The following DISP3 variants were observed in gnomAD, a reference collection of about 807,000 sequenced individuals.
The protein encoded by DISP3 is protein dispatched homolog 3.
A neutral mutation model predicts 135.3 loss-of-function variants in DISP3; 101 were observed. The ratio of observed to expected loss-of-function variants is 0.75; its 90% CI spans 0.64 to 0.88. The LOEUF (loss-of-function observed/expected upper bound fraction) is 0.88. DISP3 is among the 40% of genes least tolerant of loss of function. DISP3 has a pLI of 0.00. For missense variants in DISP3, 1,713 were observed against 1,878.6 expected (o/e 0.91, Z 1.63); for synonymous variants, 856 against 817.0 (o/e 1.05, Z -0.81).
In DISP3 at chr1:11,520,665, G is replaced by A; in HGVS notation, c.2201-22G>A. ...GACCAGCTGGGCCCAGCCCCGCCTG[G>A]TGTAGCGCCCTTTCCTCACAGGGCT... On this transcript the variant is annotated intron_variant, in intron 9 of 20. Coordinates refer to ENST00000294484, the MANE Select transcript of DISP3 (RefSeq NM_020780.2). The surrounding 1 kb of genome is among the most constrained non-coding windows in gnomAD (Gnocchi z 4.8). 6.2e-7 allele frequency: 1 copy of A among 1,610,172 alleles called. No homozygotes were observed. Among genetic ancestry groups the A allele is most frequent in the Non-Finnish European group, 8.5e-7 (1 of 1,177,846 alleles).
At position 11,512,894 on chromosome 1, in the gene DISP3, C is replaced by T. The variant is rs550676036; in HGVS notation, c.1317-1496C>T. ...GCAAAAGGCACTTCTTACATGGGGA[C>T]GGCAGGAGAAAATGAGGAAAAAGCA... is the stretch of plus-strand genomic sequence containing the variant. On this transcript the variant is annotated intron_variant, in intron 3 of 20. Transcript: ENST00000294484. Among the ~76,000 whole-genome samples, 6 of 152,040 alleles carry T rather than the reference C, an allele frequency of 3.9e-5. No individual in the cohort carries two copies. In the East Asian group the frequency reaches 5.8e-4, roughly 15 times the overall value.
At chr1:11,490,440 TG>T (rs1264762377) in intron 1 of DISP3, among the ~76,000 whole-genome samples, 1 of 152,156 alleles carries the variant, frequency 6.6e-6, no homozygotes, top group African/African-American at 2.4e-5. Context: ...GCTAATTTTT[TG>T]TATTTTTAGT....
intron 1 of DISP3, among the ~76,000 whole-genome samples, chr1:11,487,065 A>G (rs778875461): frequency 2.6e-5 from 4 of 152,256 alleles, no homozygotes; most frequent in Non-Finnish European, 5.9e-5. Context: ...ATGAATTGGT[A>G]AATGTATGAA....
intron 4 of DISP3, 38 bp from the exon 5 acceptor site, chr1:11,515,331 T>TC (rs752966823): frequency 2.9e-5 from 46 of 1,612,076 alleles, no homozygotes; most frequent in Non-Finnish European, 3.7e-5. Context: ...CCCATGAGGG[T>TC]CCCCCCACCG....
intron 17 of DISP3, among the ~76,000 whole-genome samples, chr1:11,532,522 G>A (rs1642601886): frequency 6.6e-6 from 1 of 152,136 alleles, no homozygotes; most frequent in Non-Finnish European, 1.5e-5. Flanking sequence ...ATTTATTTGT[G>A]TTACTCATTG....
chr1:11,516,207 T>C lies in DISP3; in HGVS notation c.1749+46T>C. Reference sequence around the variant, plus strand: ...CCTGTCCTGGCCTCCCACACGCTCATGCATACCTAGCCGCTGGTCTCTGCC... The same window carrying C: ...CCTGTCCTGGCCTCCCACACGCTCACGCATACCTAGCCGCTGGTCTCTGCC... On this transcript the variant is annotated intron_variant, in intron 6 of 20. Coordinates refer to ENST00000294484, the MANE Select transcript of DISP3 (RefSeq NM_020780.2). This position sits in a 1 kb window ranked among gnomAD's most constrained non-coding sequence, Gnocchi z 5.1. 1 of 1,592,266 alleles carries C rather than the reference T, an allele frequency of 6.3e-7. No homozygotes were observed. Among genetic ancestry groups the C allele is most frequent in the Non-Finnish European group, 8.6e-7 (1 of 1,166,182 alleles).
At chr1:11,526,957 T>A in intron 13 of DISP3, 122 bp downstream of exon 13, 1 of 1,225,970 alleles carries the variant, frequency 8.2e-7, no homozygotes, top group South Asian at 1.6e-5. Context: ...TTTTTTTTTT[T>A]TCTTACTCTG....
rs1328360658 is a variant in DISP3 at position 11,501,895 on chromosome 1, C to G, written c.903C>G (p.Ile301Met). Residue 301 changes from isoleucine to methionine, a missense_variant, in exon 2 of 21, where the codon ATC becomes ATG. Around this residue, in one of 2 missense-constraint regions of DISP3, gnomAD observed 571 missense variants for 494.1 expected, o/e 1.16. Transcript: ENST00000294484. This position sits in a 1 kb window ranked among gnomAD's most constrained non-coding sequence, Gnocchi z 4.9. Reference sequence around the variant, plus strand: ...AGCGCCTGGTCACGATCCATGAGATCGAGCGCAAGATCATGGACCACCCAG... The same window carrying G: ...AGCGCCTGGTCACGATCCATGAGATGGAGCGCAAGATCATGGACCACCCAG... ...TSERLVTIHEIERKIMDHPGF... is the reference protein window; with the variant it reads ...TSERLVTIHEMERKIMDHPGF... 1 of 1,613,382 alleles carries G rather than the reference C, an allele frequency of 6.2e-7. No individual in the cohort carries two copies. Among genetic ancestry groups the G allele is most frequent in the Non-Finnish European group, 8.5e-7 (1 of 1,179,766 alleles).
intron 2 of DISP3, among the ~76,000 whole-genome samples, chr1:11,502,387 G>A (rs1280745654): frequency 1.3e-5 from 2 of 152,224 alleles, no homozygotes; most frequent in African/African-American, 2.4e-5. Flanking sequence ...GTTAAGAAAA[G>A]GGCCAGGATG....
Position 11,501,854 on chromosome 1 carries a change from A to C in DISP3, c.862A>C (p.Asn288His), listed in dbSNP as rs1433535406. Reference protein sequence around the residue: ...IFLARGDAERNIFTSERLVTI... With the variant: ...IFLARGDAERHIFTSERLVTI... ...CCTGGCGCGCGGCGACGCGGAGCGCAACATTTTCACCAGTGAGCGCCTGGT... is the reference window on the plus strand; with the variant it reads ...CCTGGCGCGCGGCGACGCGGAGCGCCACATTTTCACCAGTGAGCGCCTGGT... Residue 288 changes from asparagine to histidine, a missense_variant, in exon 2 of 21, where the codon AAC becomes CAC. Asn to His is a moderately conservative substitution (Grantham distance 68). This residue lies in a region of DISP3 where 571 missense variants were observed against 494.1 expected (regional missense o/e 1.16). Coordinates refer to ENST00000294484, the MANE Select transcript of DISP3 (RefSeq NM_020780.2). This position sits in a 1 kb window ranked among gnomAD's most constrained non-coding sequence, Gnocchi z 4.9. 6.2e-7 allele frequency: 1 copy of C among 1,612,784 alleles called. No homozygotes were observed. The highest frequency in any genetic ancestry group is 1.7e-5 in the Admixed American group (1 of 59,992).
At position 11,525,455 on chromosome 1, in the gene DISP3, G is replaced by A. The variant is rs572866096; in HGVS notation, c.2613+143G>A. The stretch of plus-strand genomic sequence containing the variant: ...GACCCCCCTCCCCTAAACCAGCCAT[G>A]TCTGTGACAGGGACCTGCCGAGTGG... On this transcript the variant is annotated intron_variant, in intron 12 of 20. Transcript: ENST00000294484. The A allele has an allele frequency of 2.5e-5, 27 of 1,095,228 alleles. No homozygotes were observed. In the Middle Eastern group the frequency reaches 1.2e-3, roughly 50 times the overall value. The allele number at this position is 1,095,228 out of a possible 1,614,324, so 67.8% of individuals were successfully genotyped here. A position where few individuals can be genotyped will look rare whatever the true frequency, so the allele number is the denominator to read the frequency against.
Position 11,501,475 on chromosome 1 carries a change from C to G in DISP3, c.483C>G (p.Leu161=). The change falls in exon 2 of 21, where the codon CTC becomes CTG. Residue 161 remains leucine, a synonymous_variant. Transcript: ENST00000294484. The surrounding 1 kb of genome is among the most constrained non-coding windows in gnomAD (Gnocchi z 4.9). ...LISEQLQQLH[L]GNRSRQASRA... ...CAGAGCAGCTGCAGCAGCTGCATCTCGGCAACCGCTCGCGGCAAGCCTCCC... is the reference window on the plus strand; with the variant it reads ...CAGAGCAGCTGCAGCAGCTGCATCTGGGCAACCGCTCGCGGCAAGCCTCCC... 6.2e-7 allele frequency: 1 copy of G among 1,605,114 alleles called. No individual in the cohort carries two copies. The highest frequency in any genetic ancestry group is 1.1e-5 in the South Asian group (1 of 90,300).
chr1:11,531,472 C>T lies in DISP3; in HGVS notation c.3230-93C>T. 1 of 1,559,634 alleles carries T rather than the reference C, an allele frequency of 6.4e-7. No homozygotes were observed. The highest frequency in any genetic ancestry group is 8.8e-7 in the Non-Finnish European group (1 of 1,135,268). ...CAATGGTTACAAGCACTCTAAGCCTCAGAGGTATGTGAGTGCGTGGGCACA... is the reference window on the plus strand; with the variant it reads ...CAATGGTTACAAGCACTCTAAGCCTTAGAGGTATGTGAGTGCGTGGGCACA... On this transcript the variant is annotated intron_variant, in intron 16 of 20. Coordinates refer to ENST00000294484, the MANE Select transcript of DISP3 (RefSeq NM_020780.2). This position sits in a 1 kb window ranked among gnomAD's most constrained non-coding sequence, Gnocchi z 5.2.
At position 11,523,977 on chromosome 1, in the gene DISP3, A is replaced by G. The variant is rs570634187; in HGVS notation, c.2398A>G (p.Asn800Asp). The change falls in exon 11 of 21, where the codon AAC becomes GAC. Residue 800 changes from asparagine to aspartate, a missense_variant. Physicochemically the swap from Asn to Asp is conservative, Grantham distance 23 (BLOSUM62 1). Around this residue, in one of 2 missense-constraint regions of DISP3, gnomAD observed 1,142 missense variants for 1,384.6 expected, o/e 0.82. Transcript: ENST00000294484. ...GGAGAAGCCCCACAGCCTGCAGAAC[A>G]ACATCCGGACGTCCCTGGAGAAGAA... ...FQEKPHSLQN[N>D]IRTSLEKKRR... is the part of the protein sequence containing the mutation. 2 of 1,613,406 alleles carry G rather than the reference A, an allele frequency of 1.2e-6. No homozygotes were observed. Among genetic ancestry groups the G allele is most frequent in the East Asian group, 2.2e-5 (1 of 44,822 alleles).
intron 3 of DISP3, among the ~76,000 whole-genome samples, chr1:11,510,247 C>G (rs1428669871): frequency 6.6e-6 from 1 of 152,116 alleles, no homozygotes; most frequent in East Asian, 1.9e-4. Flanking sequence ...CTTGTTTCCC[C>G]TTTCCTGTAT....
intron 3 of DISP3, among the ~76,000 whole-genome samples, chr1:11,508,752 C>A (rs1000262866): frequency 6.6e-6 from 1 of 152,080 alleles, no homozygotes; most frequent in Non-Finnish European, 1.5e-5. Context: ...AATGGGCTTT[C>A]CATCCCCTCA....
At chr1:11,517,427 C>G in intron 6 of DISP3, 36 bp from the exon 7 acceptor site, 1 of 1,610,298 alleles carries the variant, frequency 6.2e-7, no homozygotes, top group Non-Finnish European at 8.5e-7. Context: ...GCAGGTCCAA[C>G]CTGTCCCACA....
chr1:11,531,756 G>C lies in DISP3; in HGVS notation c.3375+46G>C. On this transcript the variant is annotated intron_variant, in intron 17 of 20. Transcript: ENST00000294484. The surrounding 1 kb of genome is among the most constrained non-coding windows in gnomAD (Gnocchi z 5.2). ...TGGGTGCCATGCTGCGTACTTGCCC[G>C]GGGTGTGCCACCTCTGATCCCAGCC... 2 of 1,549,074 alleles carry C rather than the reference G, an allele frequency of 1.3e-6. No individual in the cohort carries two copies. Among genetic ancestry groups the C allele is most frequent in the South Asian group, 2.5e-5 (2 of 80,252 alleles).
intron 19 of DISP3, 48 bp downstream of exon 19, chr1:11,535,172 C>A: frequency 6.6e-7 from 1 of 1,517,620 alleles, no homozygotes; most frequent in Non-Finnish European, 8.9e-7. Context: ...GGGACGGGAA[C>A]AGACAGTCTC....
Sources: gnomAD v4.1 joint callset for allele counts (sites outside exome capture counted in the v4.1 genomes callset) on GRCh38, gnomAD v4.1.1 for gene constraint, gnomAD v4.1.1 regional missense constraint, Gnocchi (gnomAD v3.1) non-coding constraint, MANE v1.5 for transcripts, NCBI Gene and HGNC (gene_info 2026-07-23, HGNC 2026-07-21) for gene names.